Variants in PIP4K2B observed in about 807,000 individuals in gnomAD.
PIP4K2B encodes phosphatidylinositol 5-phosphate 4-kinase type-2 beta.
PIP4K2B carries 3 observed loss-of-function variants against 42.0 expected under a neutral mutation model. The observed-to-expected ratio is 0.07, with a 90% CI of 0.03 to 0.18. The LOEUF (loss-of-function observed/expected upper bound fraction) is 0.18, where lower values mean the gene tolerates loss of function less well. Ranked by LOEUF, PIP4K2B falls within the 10% of genes least tolerant of loss-of-function variation. The pLI, the probability that PIP4K2B is intolerant of heterozygous loss-of-function variation, is 1.00. For missense variants in PIP4K2B, 332 were observed against 562.3 expected (o/e 0.59, Z 4.14); for synonymous variants, 204 against 210.1 (o/e 0.97, Z 0.25).
chr17:38,776,724 T>C (rs1909378398), intron 7 of PIP4K2B: 1 of 373,542 alleles, frequency 2.7e-6, no homozygotes, highest in Admixed American at 3.6e-5. Context: ...AGTTTGTTTG[T>C]AGGATTTGGT....
chr17:38,767,976 A>G lies in PIP4K2B; in HGVS notation c.*1715T>C, dbSNP rs903618576. ...GTTTCCCATCCAATCCAGCAGCCCC[A>G]GTGAAGTCCAAGAATGCCGTCTCCA... On this transcript the variant is annotated 3_prime_UTR_variant, in exon 10 of 10. Coordinates refer to ENST00000619039, the MANE Select transcript of PIP4K2B (RefSeq NM_003559.5). The G allele has an allele frequency of 6.6e-6, 1 of 152,292 alleles. No homozygotes were observed. Among genetic ancestry groups the G allele is most frequent in the African/African-American group, 2.4e-5 (1 of 41,456 alleles). The allele number at this position is 152,292 out of a possible 1,614,324, so 9.4% of individuals were successfully genotyped here.
In PIP4K2B at chr17:38,799,313, C is replaced by A; in HGVS notation, c.112G>T (p.Ala38Ser). The change falls in exon 1 of 10, where the codon GCC becomes TCC. Residue 38 changes from alanine (A) to serine (S), a missense_variant. Physicochemically the swap from Ala to Ser is moderately conservative, Grantham distance 99 (BLOSUM62 1). Coordinates refer to ENST00000619039, the MANE Select transcript of PIP4K2B (RefSeq NM_003559.5). The surrounding 1 kb of genome is among the most constrained non-coding windows in gnomAD (Gnocchi z 4.4). The stretch of plus-strand genomic sequence containing the variant: ...AGGACGCTGAGGATCGGCTCGCTGG[C>A]CCGGAATAGCTTCACTTTCTGGCAC... The part of the protein sequence containing the change: ...FVCQKVKLFR[A>S]SEPILSVLMW... The A allele has an allele frequency of 6.2e-7, 1 of 1,607,928 alleles. No individual in the cohort carries two copies. The highest frequency in any genetic ancestry group is 8.5e-7 in the Non-Finnish European group (1 of 1,177,704).
At position 38,765,694 on chromosome 17, in the gene PIP4K2B, A is replaced by C. The variant is rs994612630; in HGVS notation, c.*3997T>G. On this transcript the variant is annotated 3_prime_UTR_variant, in exon 10 of 10. Coordinates refer to ENST00000619039, the MANE Select transcript of PIP4K2B (RefSeq NM_003559.5). ...AAGGACTCACACATAACAGATGTACACAAAGCTTTTTGAGTTTTATTTTTT... is the reference window on the plus strand; with the variant it reads ...AAGGACTCACACATAACAGATGTACCCAAAGCTTTTTGAGTTTTATTTTTT... 1 of 152,272 alleles carries C rather than the reference A, an allele frequency of 6.6e-6. No individual in the cohort carries two copies. Among genetic ancestry groups the C allele is most frequent in the South Asian group, 2.1e-4 (1 of 4,832 alleles). 9.4% of individuals were successfully genotyped at this position (152,272 alleles called of 1,614,324 possible). A position where few individuals can be genotyped will look rare whatever the true frequency, so the allele number is the denominator to read the frequency against.
chr17:38,794,071 G>C (rs1236311882), intron 1 of PIP4K2B, among the ~76,000 whole-genome samples: 2 of 152,042 alleles, frequency 1.3e-5, no homozygotes, highest in South Asian at 4.1e-4. Context: ...ATTCACAAGA[G>C]CTAAGGTGTG....
chr17:38,791,849 G>C (rs1910358695), intron 1 of PIP4K2B, among the ~76,000 whole-genome samples: 1 of 151,242 alleles, frequency 6.6e-6, no homozygotes, highest in African/African-American at 2.4e-5. Context: ...CAGCACTTTG[G>C]GAGGCCGAGG....
intron 5 of PIP4K2B, 39 bp downstream of exon 5, chr17:38,779,344 G>T: frequency 1.3e-6 from 2 of 1,572,694 alleles, no homozygotes; most frequent in South Asian, 1.1e-5. Context: ...GGCTCAGATA[G>T]AGGGGAGGCA....
At chr17:38,795,283 A>T (rs1910594956) in intron 1 of PIP4K2B, among the ~76,000 whole-genome samples, 1 of 152,132 alleles carries the variant, frequency 6.6e-6, no homozygotes, top group Admixed American at 6.5e-5. Flanking sequence ...GTAAATGGGC[A>T]AAAAATTTAA....
At chr17:38,769,854 G>A (rs1908910374) in intron 9 of PIP4K2B, 83 bp from the exon 10 acceptor site, 6 of 1,280,302 alleles carry the variant, frequency 4.7e-6, no homozygotes, top group Non-Finnish European at 5.7e-6. Context: ...AGGGTATTCA[G>A]AAGCCTCTTA....
chr17:38,784,322 C>T lies in PIP4K2B; in HGVS notation c.275G>A (p.Arg92His), dbSNP rs779273477. 1.2e-5 allele frequency: 19 copies of T among 1,612,620 alleles called. No homozygotes were observed. Among genetic ancestry groups the T allele is most frequent in the South Asian group, 9.9e-5 (9 of 91,044 alleles). ...GGGGCAATACTCCTTAAACTTAAAGCGGCTGGGCAGGTTCTCCCTAGGGAA... is the reference window on the plus strand; with the variant it reads ...GGGGCAATACTCCTTAAACTTAAAGTGGCTGGGCAGGTTCTCCCTAGGGAA... ...HLFNKENLPS[R>H]FKFKEYCPMV... The change falls in exon 3 of 10, where the codon CGC (arginine) becomes CAC (histidine). Residue 92 changes from arginine to histidine, a missense_variant. Around this residue, in one of 6 missense-constraint regions of PIP4K2B, gnomAD observed 186 missense variants for 288.4 expected, o/e 0.64. Coordinates refer to ENST00000619039, the MANE Select transcript of PIP4K2B (RefSeq NM_003559.5).
chr17:38,789,113 T>G (rs1444720224), intron 1 of PIP4K2B, among the ~76,000 whole-genome samples: 2 of 152,156 alleles, frequency 1.3e-5, no homozygotes, highest in African/African-American at 4.8e-5. Flanking sequence ...GAGTGAGATC[T>G]TGTCTCAAAA....
Position 38,780,512 on chromosome 17 carries a change from G to A in PIP4K2B, c.447C>T (p.Ile149=). The A allele has an allele frequency of 1.2e-6, 2 of 1,614,070 alleles. No homozygotes were observed. The highest frequency in any genetic ancestry group is 1.7e-6 in the Non-Finnish European group (2 of 1,179,926). The part of the protein sequence containing the change: ...FLTTYDRRFV[I]KTVSSEDVAE... ...CCACGTCCTCGCTGGACACAGTCTTGATGACAAAGCGCCGGTCGTAGGTGG... is the reference window on the plus strand; with the variant it reads ...CCACGTCCTCGCTGGACACAGTCTTAATGACAAAGCGCCGGTCGTAGGTGG... The change falls in exon 4 of 10, where the codon ATC becomes ATT. Residue 149 remains isoleucine (I), a synonymous_variant. Transcript: ENST00000619039.
intron 1 of PIP4K2B, among the ~76,000 whole-genome samples, chr17:38,790,276 A>G (rs190610941): frequency 7.4e-4 from 113 of 152,300 alleles, no homozygotes; most frequent in Admixed American, 5.7e-3. Flanking sequence ...TACAGAGGAA[A>G]CCATTCCACT....
chr17:38,777,633 C>G (rs1909436446), intron 7 of PIP4K2B, 54 bp downstream of exon 7: 3 of 1,136,754 alleles, frequency 2.6e-6, no homozygotes, highest in Admixed American at 1.7e-5. Context: ...TTAAGAGGCG[C>G]CTACTCTAGG....
chr17:38,787,217 G>A (rs1171812326), intron 1 of PIP4K2B, among the ~76,000 whole-genome samples: 1 of 152,006 alleles, frequency 6.6e-6, no homozygotes, highest in Non-Finnish European at 1.5e-5. Flanking sequence ...TTTGTATTGT[G>A]TAGAGACAAG....
At chr17:38,781,750 C>A (rs895013715) in intron 3 of PIP4K2B, among the ~76,000 whole-genome samples, 6 of 152,074 alleles carry the variant, frequency 3.9e-5, no homozygotes, top group Non-Finnish European at 7.4e-5. Flanking sequence ...CTCCTGAGAT[C>A]AAGCAATCCT....
intron 1 of PIP4K2B, among the ~76,000 whole-genome samples, chr17:38,787,927 T>A (rs1229131763): frequency 2.6e-5 from 4 of 152,190 alleles, no homozygotes; most frequent in Non-Finnish European, 4.4e-5. Context: ...AAGAGCATCC[T>A]ACTAATCTTT....
intron 3 of PIP4K2B, among the ~76,000 whole-genome samples, chr17:38,783,191 A>G (rs548820588): frequency 3.8e-5 from 3 of 79,848 alleles, no homozygotes; most frequent in Admixed American, 4.0e-4. Flanking sequence ...GTGAAACTCC[A>G]TCTCAAAAAA....
chr17:38,776,034 G>C lies in PIP4K2B; in HGVS notation c.807+1653C>G, dbSNP rs1443168726. The C allele has an allele frequency of 1.6e-5, 7 of 448,428 alleles. No homozygotes were observed. The East Asian group carries it at 5.0e-4, about 32-fold the overall frequency. The allele number at this position is 448,428 out of a possible 1,614,324, so 27.8% of individuals were successfully genotyped here. A position where few individuals can be genotyped will look rare whatever the true frequency, so the allele number is the denominator to read the frequency against. ...GTTTCATTCATAACATGTTGCCCAA[G>C]CTGGAGGGTCACCGCAACCTCCGCC... On this transcript the variant is annotated intron_variant, in intron 7 of 9. Transcript: ENST00000619039.
intron 1 of PIP4K2B, among the ~76,000 whole-genome samples, chr17:38,796,721 G>A (rs989182293): frequency 6.6e-6 from 1 of 152,154 alleles, no homozygotes; most frequent in African/African-American, 2.4e-5. Flanking sequence ...AACTTCTGCT[G>A]TAGATAAAGA....
Sources: gnomAD v4.1 joint callset for allele counts (sites outside exome capture counted in the v4.1 genomes callset) on GRCh38, gnomAD v4.1.1 for gene constraint, gnomAD v4.1.1 regional missense constraint, Gnocchi (gnomAD v3.1) non-coding constraint, MANE v1.5 for transcripts, NCBI Gene and HGNC (gene_info 2026-07-23, HGNC 2026-07-21) for gene names.